Variants in SERPINB11 observed in about 807,000 individuals in gnomAD.
SERPINB11 encodes serpin family B member 11.
SERPINB11 carries 32 observed loss-of-function variants against 36.7 expected under a neutral mutation model. The ratio of observed to expected loss-of-function variants is 0.87; its 90% CI spans 0.66 to 1.17. SERPINB11 has a LOEUF of 1.17. Ranked by LOEUF, SERPINB11 falls within the 50% of genes most tolerant of loss-of-function variation. The pLI is 0.00. For missense variants in SERPINB11, 528 were observed against 458.4 expected, an observed-to-expected ratio of 1.15 and a Z score of -1.39; for synonymous variants, 174 against 168.1, an observed-to-expected ratio of 1.04 and a Z score of -0.27.
At chr18:63,710,144 T>A (rs1176110826) in intron 1 of SERPINB11, 35 bp from the exon 2 acceptor site, 16 of 1,521,186 alleles carry the variant, frequency 1.1e-5, no homozygotes, top group African/African-American at 1.4e-5. Flanking sequence ...TAACTTCAAG[T>A]GATGTTCTGA....
Position 63,723,364 on chromosome 18 carries a change from A to G in SERPINB11, c.1144A>G (p.Thr382Ala), listed in dbSNP as rs551016525. The change falls in exon 8 of 8, where the codon ACG becomes GCG. Residue 382 changes from threonine to alanine, a missense_variant. Thr to Ala is a moderately conservative substitution (Grantham distance 58). Transcript: ENST00000544088. ...LFFIRHTHTN[T>A]ILFCGKLASP ...CTTTATAAGGCACACTCATACCAACACGATCCTATTCTGTGGCAAGCTTGC... is the reference window on the plus strand; with the variant it reads ...CTTTATAAGGCACACTCATACCAACGCGATCCTATTCTGTGGCAAGCTTGC... 20 of 1,613,050 alleles carry G rather than the reference A, an allele frequency of 1.2e-5. No homozygotes were observed. The East Asian group carries it at 3.8e-4, about 31-fold the overall frequency.
chr18:63,716,581 T>A (rs1914673873), intron 5 of SERPINB11, among the ~76,000 whole-genome samples: 1 of 152,144 alleles, frequency 6.6e-6, no homozygotes. Context: ...CTGGCTTTAT[T>A]CATGTAATCT....
chr18:63,719,879 G>C (rs1914758486), intron 5 of SERPINB11, 134 bp from the exon 6 acceptor site: 2 of 626,304 alleles, frequency 3.2e-6, no homozygotes, highest in South Asian at 6.0e-5. Flanking sequence ...GCCAGGAGAT[G>C]AAAGGAGTTC....
intron 7 of SERPINB11, among the ~76,000 whole-genome samples, chr18:63,721,546 C>T (rs1022730680): frequency 3.3e-5 from 5 of 152,182 alleles, no homozygotes; most frequent in South Asian, 2.1e-4. Flanking sequence ...AACAGCTGGA[C>T]GTCTGGAAGC....
intron 1 of SERPINB11, among the ~76,000 whole-genome samples, chr18:63,704,260 A>T (rs182182966): frequency 6.6e-6 from 1 of 152,246 alleles, no homozygotes; most frequent in East Asian, 1.9e-4. Flanking sequence ...AGGAATACCA[A>T]CATATTAAAT....
chr18:63,719,938 A>T, intron 5 of SERPINB11, 75 bp from the exon 6 acceptor site: 1 of 1,244,224 alleles, frequency 8.0e-7, no homozygotes, highest in Non-Finnish European at 1.1e-6. Context: ...AATGGCTCTA[A>T]ATTTCTCATG....
rs1431853539 is a variant in SERPINB11 at position 63,720,967 on chromosome 18, G to T, written c.755G>T (p.Gly252Val). The T allele has an allele frequency of 6.2e-7, 1 of 1,608,966 alleles. No individual in the cohort carries two copies. The highest frequency in any genetic ancestry group is 8.5e-7 in the Non-Finnish European group (1 of 1,178,158). ...KLSMIILLPV[G>V]IANLKQIEKQ... ...AGCATGATTATTCTGCTTCCAGTAG[G>T]CATAGCTAATCTGAAACAGGTAAAA... Residue 252 changes from glycine (G) to valine (V), a missense_variant, in exon 7 of 8, where the codon GGC (glycine) becomes GTC (valine). Gly to Val is a moderately radical substitution (Grantham distance 109). Transcript: ENST00000544088.
intron 6 of SERPINB11, 136 bp downstream of exon 6, chr18:63,720,291 C>A: frequency 1.3e-6 from 1 of 798,068 alleles, no homozygotes; most frequent in Non-Finnish European, 2.0e-6. Flanking sequence ...GTATTTTCTA[C>A]AGATTTTCAT....
Position 63,723,562 on chromosome 18 carries a change from T to A in SERPINB11, c.*163T>A. 5.0e-6 allele frequency: 3 copies of A among 604,848 alleles called. No homozygotes were observed. Among genetic ancestry groups the A allele is most frequent in the Non-Finnish European group, 8.3e-6 (3 of 360,770 alleles). The allele number at this position is 604,848 out of a possible 1,614,324, so 37.5% of individuals were successfully genotyped here. On this transcript the variant is annotated 3_prime_UTR_variant, in exon 8 of 8. Coordinates refer to ENST00000544088, the MANE Select transcript of SERPINB11 (RefSeq NM_001370475.1). ...TTTCTTCCAACCATTTCATGAGTTG[T>A]GAAGCTAAGGCTTTGTTAATCATGG...
At chr18:63,722,576 A>T (rs968915552) in intron 7 of SERPINB11, among the ~76,000 whole-genome samples, 5 of 152,190 alleles carry the variant, frequency 3.3e-5, no homozygotes, top group Non-Finnish European at 7.3e-5. Context: ...GTGCATGGGG[A>T]TCCTGGCATC....
At chr18:63,703,783 T>A (rs571405982) in intron 1 of SERPINB11, among the ~76,000 whole-genome samples, 1 of 152,332 alleles carries the variant, frequency 6.6e-6, no homozygotes, top group South Asian at 2.1e-4. Context: ...CTCCGTCTGT[T>A]GCAGTCCTTC....
chr18:63,713,986 C>T (rs1207795070), intron 4 of SERPINB11, among the ~76,000 whole-genome samples: 2 of 152,150 alleles, frequency 1.3e-5, no homozygotes, highest in African/African-American at 4.8e-5. Flanking sequence ...ACAATTGGAT[C>T]CAGCTCAGGA....
chr18:63,715,048 C>G (rs117144688), intron 4 of SERPINB11, among the ~76,000 whole-genome samples: 7 of 152,210 alleles, frequency 4.6e-5, no homozygotes, highest in African/African-American at 1.7e-4. Flanking sequence ...TCTTCTGTCA[C>G]GGCTTCAGCA....
intron 1 of SERPINB11, 75 bp from the exon 2 acceptor site, chr18:63,710,104 A>T (rs1297174394): frequency 8.1e-7 from 1 of 1,231,396 alleles, no homozygotes; most frequent in Non-Finnish European, 1.1e-6. Flanking sequence ...AACTCATGAA[A>T]TACAATAACT....
chr18:63,716,397 A>T (rs1299963536), intron 5 of SERPINB11, among the ~76,000 whole-genome samples: 1 of 152,212 alleles, frequency 6.6e-6, no homozygotes, highest in African/African-American at 2.4e-5. Context: ...ATTAAAATTA[A>T]TTAAATTTAA....
At chr18:63,715,996 T>G (rs760724671) in intron 4 of SERPINB11, 39 bp from the exon 5 acceptor site, 2 of 1,392,484 alleles carry the variant, frequency 1.4e-6, no homozygotes, top group Non-Finnish European at 2.0e-6. Flanking sequence ...TTCCTTACAC[T>G]GCTTTTGAAT....
chr18:63,714,248 T>C lies in SERPINB11; in HGVS notation c.357+1555T>C, dbSNP rs374611228. 4.7e-4 allele frequency among the ~76,000 whole-genome samples: 71 copies of C among 152,136 alleles called. 1 individual carries two copies. The East Asian group carries it at 0.013, about 27-fold the overall frequency. On this transcript the variant is annotated intron_variant, in intron 4 of 7. Coordinates refer to ENST00000544088, the MANE Select transcript of SERPINB11 (RefSeq NM_001370475.1). Reference sequence around the variant, plus strand: ...AGTGATTTTCAAAGGGGAGGGAGTGTACGAATAGGGTGTGGGTCACAGAGA... The same window carrying C: ...AGTGATTTTCAAAGGGGAGGGAGTGCACGAATAGGGTGTGGGTCACAGAGA...
At chr18:63,710,632 CTTCA>C (rs1341194264) in intron 2 of SERPINB11, among the ~76,000 whole-genome samples, 1 of 152,124 alleles carries the variant, frequency 6.6e-6, no homozygotes, top group East Asian at 1.9e-4. Context: ...TTTAGAGTCC[CTTCA>C]TTCAGTGATT....
intron 4 of SERPINB11, among the ~76,000 whole-genome samples, chr18:63,713,373 AGACATATTTAAATGGCAAAACCTG>A (rs1262215269): frequency 1.3e-5 from 2 of 152,230 alleles, no homozygotes; most frequent in African/African-American, 4.8e-5. Context: ...TAAGGGTCAC[AGACATATTTAAATGGCAAAACCTG>A]GATTTAACCC....
Sources: allele counts gnomAD v4.1 joint callset (sites outside exome capture counted in the v4.1 genomes callset), GRCh38; gene constraint gnomAD v4.1.1; transcripts MANE v1.5; gene names NCBI Gene and HGNC (gene_info 2026-07-23, HGNC 2026-07-21).